MAPKAP1: variants seen among roughly 807,000 people sequenced by gnomAD.
MAPKAP1 encodes MAPK associated protein 1, also known as target of rapamycin complex 2 subunit MAPKAP1.
Under a neutral mutation model 65.7 loss-of-function variants are expected in MAPKAP1, and 20 were observed. The ratio of observed to expected loss-of-function variants is 0.30; its 90% CI spans 0.21 to 0.44. MAPKAP1 has a LOEUF of 0.44. Ranked by LOEUF, MAPKAP1 falls within the 20% of genes least tolerant of loss-of-function variation. The pLI, the probability that MAPKAP1 is intolerant of heterozygous loss-of-function variation, is 1.00. For missense variants in MAPKAP1, 423 were observed against 648.0 expected (o/e 0.65, Z 3.77); for synonymous variants, 222 against 244.3 (o/e 0.91, Z 0.85).
At chr9:125,475,593 C>CGCAGA (rs1175962427) in intron 9 of MAPKAP1, among the ~76,000 whole-genome samples, 1 of 152,180 alleles carries the variant, frequency 6.6e-6, no homozygotes, top group African/African-American at 2.4e-5. Flanking sequence ...CACGAACGAA[C>CGCAGA]GCAGAGCAGC....
intron 10 of MAPKAP1, among the ~76,000 whole-genome samples, chr9:125,448,803 G>A (rs896149644): frequency 2.6e-5 from 4 of 152,024 alleles, no homozygotes; most frequent in East Asian, 3.9e-4. Flanking sequence ...TTAGGAGTTT[G>A]AGACCAGCCT....
intron 9 of MAPKAP1, among the ~76,000 whole-genome samples, chr9:125,484,000 G>C (rs1340056956): frequency 6.6e-6 from 1 of 152,152 alleles, no homozygotes; most frequent in African/African-American, 2.4e-5. Flanking sequence ...AATATGAGTT[G>C]AAAGTTCCAA....
intron 9 of MAPKAP1, chr9:125,478,033 G>C (rs561420542): frequency 6.6e-6 from 1 of 152,316 alleles, no homozygotes; most frequent in East Asian, 1.9e-4. Context: ...GTAAGATTCT[G>C]GGCTGGTAGA....
chr9:125,533,183 T>G (rs1257238562), intron 7 of MAPKAP1, among the ~76,000 whole-genome samples: 2 of 152,178 alleles, frequency 1.3e-5, no homozygotes, highest in African/African-American at 4.8e-5. Flanking sequence ...AATGGTATTC[T>G]GAAATTAGGC....
chr9:125,697,163 C>T (rs1334217314), intron 1 of MAPKAP1, among the ~76,000 whole-genome samples: 1 of 152,158 alleles, frequency 6.6e-6, no homozygotes, highest in East Asian at 1.9e-4. Flanking sequence ...ATAGTAACAT[C>T]ATTTATGTCA....
intron 5 of MAPKAP1, among the ~76,000 whole-genome samples, chr9:125,582,918 C>A (rs1181352731): frequency 6.6e-6 from 1 of 152,174 alleles, no homozygotes; most frequent in Non-Finnish European, 1.5e-5. Context: ...GCTGAGGGCT[C>A]TGATCATCAC....
intron 7 of MAPKAP1, among the ~76,000 whole-genome samples, chr9:125,507,566 T>C (rs1829178717): frequency 6.6e-6 from 1 of 152,262 alleles, no homozygotes; most frequent in Non-Finnish European, 1.5e-5. Flanking sequence ...CCATGTTCTA[T>C]GTTCAGCTGT....
At chr9:125,619,807 A>AT (rs1277179492) in intron 4 of MAPKAP1, among the ~76,000 whole-genome samples, 1 of 152,116 alleles carries the variant, frequency 6.6e-6, no homozygotes, top group Admixed American at 6.5e-5. Context: ...TAAAAAAAAA[A>AT]TTAGTGCATA....
Position 125,438,859 on chromosome 9 carries a change from C to G in MAPKAP1, c.*28G>C. On this transcript the variant is annotated 3_prime_UTR_variant, in exon 12 of 12. Coordinates refer to ENST00000265960, the MANE Select transcript of MAPKAP1 (RefSeq NM_001006617.3). ...GCCCTGGCAGGCAGGCTCTGAGCTACGGAACAGATTGAGGCTGGAGGCCAG... is the reference window on the plus strand; with the variant it reads ...GCCCTGGCAGGCAGGCTCTGAGCTAGGGAACAGATTGAGGCTGGAGGCCAG... The G allele has an allele frequency of 6.2e-7, 1 of 1,613,824 alleles. No individual in the cohort carries two copies. Among genetic ancestry groups the G allele is most frequent in the Non-Finnish European group, 8.5e-7 (1 of 1,179,828 alleles).
At chr9:125,619,049 T>C (rs1412713465) in intron 4 of MAPKAP1, among the ~76,000 whole-genome samples, 1 of 152,084 alleles carries the variant, frequency 6.6e-6, no homozygotes, top group Non-Finnish European at 1.5e-5. Context: ...GGGAAGATTG[T>C]TTGAGCCCAG....
intron 5 of MAPKAP1, among the ~76,000 whole-genome samples, chr9:125,573,209 G>C (rs1269927285): frequency 5.3e-5 from 8 of 151,900 alleles, no homozygotes. Context: ...GACAGTTAAG[G>C]CATTCTAAGT....
chr9:125,495,433 G>C (rs1401460787), intron 8 of MAPKAP1, among the ~76,000 whole-genome samples: 1 of 152,140 alleles, frequency 6.6e-6, no homozygotes, highest in Non-Finnish European at 1.5e-5. Flanking sequence ...CATCAAACAT[G>C]CTTCCTTACT....
At chr9:125,564,081 T>C (rs1369200241) in intron 5 of MAPKAP1, among the ~76,000 whole-genome samples, 1 of 152,250 alleles carries the variant, frequency 6.6e-6, no homozygotes, top group African/African-American at 2.4e-5. Context: ...TTTTGTGTTC[T>C]TGCTTTTCAC....
intron 9 of MAPKAP1, among the ~76,000 whole-genome samples, chr9:125,478,982 G>A (rs1311004286): frequency 6.6e-6 from 1 of 152,170 alleles, no homozygotes; most frequent in Non-Finnish European, 1.5e-5. Context: ...GTAAGGCAGA[G>A]CAGTTAGGCT....
At chr9:125,542,315 C>T (rs936015115) in intron 7 of MAPKAP1, among the ~76,000 whole-genome samples, 67 of 152,272 alleles carry the variant, frequency 4.4e-4, no homozygotes, top group African/African-American at 1.5e-3. Flanking sequence ...CCCAGCAATG[C>T]TTTTTTTCCT....
intron 7 of MAPKAP1, among the ~76,000 whole-genome samples, chr9:125,515,890 C>T (rs149603024): frequency 2.2e-4 from 33 of 152,196 alleles, no homozygotes; most frequent in African/African-American, 7.0e-4. Context: ...AAGGGAAGGC[C>T]GCTTCTGTGG....
intron 1 of MAPKAP1, among the ~76,000 whole-genome samples, chr9:125,694,018 AT>A (rs950774037): frequency 2.6e-5 from 4 of 151,256 alleles, no homozygotes; most frequent in Non-Finnish European, 4.4e-5. Flanking sequence ...TTGTATTAAA[AT>A]TTTTTTTTAA....
chr9:125,681,803 C>T (rs1834829659), intron 1 of MAPKAP1, among the ~76,000 whole-genome samples: 1 of 152,246 alleles, frequency 6.6e-6, no homozygotes, highest in Non-Finnish European at 1.5e-5. Flanking sequence ...TAGCGTCTCG[C>T]TCTGTCACCC....
At position 125,577,841 on chromosome 9, in the gene MAPKAP1, C is replaced by T. The variant is rs571757345; in HGVS notation, c.671+7714G>A. ...CAGCCCCCGGCCCGGCCAACCGCCC[C>T]GTCCGGGAGCTGAGGGGCGCCTCTG... On this transcript the variant is annotated intron_variant, in intron 5 of 11. Transcript: ENST00000265960. Among the ~76,000 whole-genome samples the T allele has an allele frequency of 4.0e-5, 6 of 150,996 alleles. No homozygotes were observed. The East Asian group carries it at 8.0e-4, about 20-fold the overall frequency.
Sources: allele counts gnomAD v4.1 joint callset (sites outside exome capture counted in the v4.1 genomes callset), GRCh38; gene constraint gnomAD v4.1.1; transcripts MANE v1.5; gene names NCBI Gene and HGNC (gene_info 2026-07-23, HGNC 2026-07-21).